The following DISP1 variants were observed in gnomAD, a reference collection of about 807,000 sequenced individuals.
The protein encoded by DISP1 is protein dispatched homolog 1.
A neutral mutation model predicts 37.3 loss-of-function variants in DISP1; 30 were observed. That is an observed-to-expected ratio of 0.80 (90% CI 0.60 to 1.09). DISP1 has a LOEUF of 1.09. Among genes scored for constraint, DISP1 ranks in the 50% least tolerant of loss-of-function variants. The pLI, the probability that DISP1 is intolerant of heterozygous loss-of-function variation, is 0.00. For synonymous variants in DISP1, 634 were observed against 690.2 expected (o/e 0.92, Z 1.28); for missense variants, 1,598 against 1,879.5 (o/e 0.85, Z 2.77).
intron 1 of DISP1, among the ~76,000 whole-genome samples, chr1:222,850,882 T>C (rs1319493625): frequency 6.6e-6 from 1 of 152,090 alleles, no homozygotes; most frequent in African/African-American, 2.4e-5. Context: ...GTTTCTGCTA[T>C]TGTGAATAGT....
intron 1 of DISP1, among the ~76,000 whole-genome samples, chr1:222,914,757 C>T (rs1021504359): frequency 4.6e-5 from 7 of 152,034 alleles, no homozygotes; most frequent in Admixed American, 1.3e-4. Flanking sequence ...CCAAGAAGTT[C>T]GAGACCAGCC....
chr1:222,961,131 A>G (rs1222118171), intron 3 of DISP1, among the ~76,000 whole-genome samples: 1 of 152,234 alleles, frequency 6.6e-6, no homozygotes, highest in East Asian at 1.9e-4. Context: ...AGCCAGCATC[A>G]TCCTGATACC....
At chr1:222,874,202 T>G (rs925066060) in intron 1 of DISP1, among the ~76,000 whole-genome samples, 1 of 152,204 alleles carries the variant, frequency 6.6e-6, no homozygotes, top group African/African-American at 2.4e-5. Context: ...CTGGCTGCCC[T>G]TAACATTTTT....
intron 1 of DISP1, among the ~76,000 whole-genome samples, chr1:222,839,806 G>A (rs34394966): frequency 0.17 from 26,556 of 151,836 alleles, 2,598 homozygotes; most frequent in Middle Eastern, 0.29. Flanking sequence ...GGTGGCATGC[G>A]CCTGTAGTCC....
intron 1 of DISP1, among the ~76,000 whole-genome samples, chr1:222,909,150 G>A (rs1672073447): frequency 1.3e-5 from 2 of 151,882 alleles, no homozygotes; most frequent in South Asian, 4.2e-4. Context: ...ATCTTGAATT[G>A]TATTAAATTA....
intron 7 of DISP1, 98 bp downstream of exon 7, chr1:222,992,208 C>T: frequency 1.0e-6 from 1 of 955,386 alleles, no homozygotes; most frequent in Middle Eastern, 2.1e-4. Flanking sequence ...TGTGGCTAGT[C>T]ACACAGCTTC....
At chr1:223,001,039 G>T (rs1190409437) in intron 8 of DISP1, among the ~76,000 whole-genome samples, 1 of 152,148 alleles carries the variant, frequency 6.6e-6, no homozygotes, top group African/African-American at 2.4e-5. Flanking sequence ...AGGAGAAGAG[G>T]AATATTTCTT....
chr1:222,966,825 G>C (rs1383287724), intron 3 of DISP1, among the ~76,000 whole-genome samples: 1 of 152,018 alleles, frequency 6.6e-6, no homozygotes, highest in African/African-American at 2.4e-5. Flanking sequence ...AGTGAAATCA[G>C]AATGGTTTAA....
intron 3 of DISP1, among the ~76,000 whole-genome samples, chr1:222,975,833 T>A (rs1677279222): frequency 6.6e-6 from 1 of 152,222 alleles, no homozygotes; most frequent in African/African-American, 2.4e-5. Flanking sequence ...TTTGCTTTTT[T>A]AAAAAACAGA....
intron 2 of DISP1, among the ~76,000 whole-genome samples, chr1:222,933,061 T>A (rs1358941751): frequency 1.3e-5 from 2 of 152,084 alleles, no homozygotes; most frequent in South Asian, 2.1e-4. Flanking sequence ...CCTCTACATA[T>A]GAAAATTTCT....
At chr1:222,841,758 CTAA>C (rs374856819) in intron 1 of DISP1, among the ~76,000 whole-genome samples, 14 of 152,094 alleles carry the variant, frequency 9.2e-5, no homozygotes, top group African/African-American at 2.4e-4. Flanking sequence ...TGTCTGTGTG[CTAA>C]TAATTATATG....
chr1:222,973,766 T>C (rs1677119472), intron 3 of DISP1, among the ~76,000 whole-genome samples: 1 of 152,194 alleles, frequency 6.6e-6, no homozygotes, highest in Admixed American at 6.5e-5. Flanking sequence ...TTCCTTTTCA[T>C]TTTCAGTTCA....
intron 4 of DISP1, among the ~76,000 whole-genome samples, chr1:222,988,485 A>G (rs1572707480): frequency 6.6e-6 from 1 of 152,200 alleles, no homozygotes; most frequent in African/African-American, 2.4e-5. Flanking sequence ...ATTGAACAAT[A>G]TAATAATTTA....
intron 1 of DISP1, among the ~76,000 whole-genome samples, chr1:222,850,501 G>A (rs1246950385): frequency 6.6e-6 from 1 of 151,738 alleles, no homozygotes; most frequent in African/African-American, 2.4e-5. Flanking sequence ...AGGTAAACAT[G>A]TATCATGGGG....
chr1:222,873,178 A>C (rs1186484590), intron 1 of DISP1, among the ~76,000 whole-genome samples: 1 of 152,098 alleles, frequency 6.6e-6, no homozygotes, highest in Non-Finnish European at 1.5e-5. Context: ...TTTGCTGAGG[A>C]GTGCTTTACT....
chr1:222,847,838 G>T (rs1023999533), intron 1 of DISP1, among the ~76,000 whole-genome samples: 1 of 152,142 alleles, frequency 6.6e-6, no homozygotes, highest in Non-Finnish European at 1.5e-5. Flanking sequence ...TAGAAGAAAG[G>T]AAGGAGCCAT....
intron 3 of DISP1, among the ~76,000 whole-genome samples, chr1:222,955,002 G>A (rs2125525766): frequency 6.6e-6 from 1 of 152,224 alleles, no homozygotes; most frequent in South Asian, 2.1e-4. Context: ...GTCTGGAGAA[G>A]GGCCAGAGAA....
intron 3 of DISP1, among the ~76,000 whole-genome samples, chr1:222,949,710 T>C (rs1207747300): frequency 1.3e-5 from 2 of 152,166 alleles, no homozygotes; most frequent in African/African-American, 4.8e-5. Flanking sequence ...CACTGCAACC[T>C]CCACCTCCTG....
intron 3 of DISP1, among the ~76,000 whole-genome samples, chr1:222,952,648 G>A (rs1334420618): frequency 1.3e-5 from 2 of 152,074 alleles, no homozygotes; most frequent in African/African-American, 4.8e-5. Context: ...TCAAGAGATT[G>A]AGACCATCCT....
Sources: gnomAD v4.1 joint callset for allele counts (sites outside exome capture counted in the v4.1 genomes callset) on GRCh38, gnomAD v4.1.1 for gene constraint, MANE v1.5 for transcripts, NCBI Gene and HGNC (gene_info 2026-07-23, HGNC 2026-07-21) for gene names.